PDZD9: variants seen among roughly 807,000 people sequenced by gnomAD.
PDZD9 encodes the protein PDZ domain-containing protein 9.
A neutral mutation model predicts 16.3 loss-of-function variants in PDZD9; 13 were observed. The observed-to-expected ratio is 0.80, with a 90% CI of 0.52 to 1.27. The LOEUF (loss-of-function observed/expected upper bound fraction) is 1.27, where lower values mean the gene tolerates loss of function less well. Ranked by LOEUF, PDZD9 falls within the 50% of genes most tolerant of loss-of-function variation. The pLI is 0.00. For missense variants in PDZD9, 288 were observed against 310.9 expected (o/e 0.93, Z 0.55); for synonymous variants, 120 against 111.0 (o/e 1.08, Z -0.51).
chr16:21,991,848 C>T (rs2141959064), intron 2 of PDZD9, among the ~76,000 whole-genome samples: 1 of 152,254 alleles, frequency 6.6e-6, no homozygotes, highest in East Asian at 1.9e-4. Context: ...GCAGGCTTGT[C>T]ACGAAGAGAT....
At chr16:21,964,405 C>T in the PDZD9 span, among the ~76,000 whole-genome samples, 5 of 152,072 alleles carry the variant, frequency 3.3e-5, no homozygotes, top group African/African-American at 9.7e-5. Flanking sequence ...ATCCTTCTGA[C>T]GTGAAAGTAA....
downstream of PDZD9, chr16:21,980,758 T>C: frequency 6.3e-7 from 1 of 1,593,566 alleles, no homozygotes; most frequent in South Asian, 1.1e-5. Flanking sequence ...AATGATCCAA[T>C]TTCAGAAGGA....
Position 21,988,770 on chromosome 16 carries a change from C to G in PDZD9, c.233G>C (p.Gly78Ala). ...AGTATATCCTAACACATTGGCATGG[C>G]CAACACTAATCAGAACATCACCTGA... ...LQPGDVLISV[G>A]HANVLGYTLR... Residue 78 changes from glycine (G) to alanine (A), a missense_variant, in exon 3 of 4, where the codon GGC becomes GCC. Coordinates refer to ENST00000424898, the MANE Select transcript of PDZD9 (RefSeq NM_001363519.1). 1 of 1,610,836 alleles carries G rather than the reference C, an allele frequency of 6.2e-7. No individual in the cohort carries two copies. The highest frequency in any genetic ancestry group is 1.3e-5 in the African/African-American group (1 of 74,860).
chr16:21,975,880 C>T, the PDZD9 span, among the ~76,000 whole-genome samples: 1 of 152,090 alleles, frequency 6.6e-6, no homozygotes, highest in Non-Finnish European at 1.5e-5. Flanking sequence ...CACTTGAGCC[C>T]ACACATCTCT....
At chr16:21,980,578 G>A (rs1373564771), downstream of PDZD9, 6 of 1,614,088 alleles carry the variant, frequency 3.7e-6, no homozygotes, top group African/African-American at 1.3e-5. Flanking sequence ...CCTAATGTCA[G>A]TGGAGTCTTC....
chr16:21,977,874 C>G, the PDZD9 span, among the ~76,000 whole-genome samples: 1 of 152,114 alleles, frequency 6.6e-6, no homozygotes, highest in Non-Finnish European at 1.5e-5. Context: ...AGTTGCATCT[C>G]TTGTATAAGT....
chr16:21,978,361 T>C, the PDZD9 span, among the ~76,000 whole-genome samples: 1 of 152,224 alleles, frequency 6.6e-6, no homozygotes, highest in Non-Finnish European at 1.5e-5. Flanking sequence ...GATAAACGTT[T>C]GAGGTTCAAA....
downstream of PDZD9, chr16:21,983,299 C>A: frequency 4.0e-6 from 3 of 754,752 alleles, no homozygotes; most frequent in Non-Finnish European, 6.3e-6. Context: ...GGCATAAATG[C>A]AGGTAATTAT....
the PDZD9 span, chr16:21,971,844 G>A: frequency 6.3e-7 from 1 of 1,590,296 alleles, no homozygotes; most frequent in Non-Finnish European, 8.6e-7. Flanking sequence ...TTAATACTGT[G>A]TTGTAGGAAA....
chr16:22,000,871 ATG>A, intron 1 of PDZD9, 144 bp downstream of exon 1: 5 of 693,930 alleles, frequency 7.2e-6, no homozygotes, highest in South Asian at 5.3e-5. Context: ...GATGATGATG[ATG>A]ATAATGATGA....
At chr16:21,971,211 G>A in the PDZD9 span, among the ~76,000 whole-genome samples, 196 of 152,230 alleles carry the variant, frequency 1.3e-3, 1 homozygote, top group Non-Finnish European at 2.0e-3. Flanking sequence ...TACTCACTTA[G>A]AAATTTGTAA....
the PDZD9 span, among the ~76,000 whole-genome samples, chr16:21,963,988 C>T: frequency 1.3e-5 from 2 of 151,986 alleles, no homozygotes; most frequent in East Asian, 1.9e-4. Context: ...ACAAGTACAA[C>T]TGGTAATACA....
chr16:21,976,425 A>C, the PDZD9 span: 7 of 522,546 alleles, frequency 1.3e-5, no homozygotes, highest in Non-Finnish European at 2.3e-5. Flanking sequence ...GGCCAGGCAC[A>C]GTGGCTCACT....
chr16:21,971,498 G>A, the PDZD9 span: 1 of 1,564,186 alleles, frequency 6.4e-7, no homozygotes, highest in Non-Finnish European at 8.7e-7. Flanking sequence ...TGTGGTTCTA[G>A]CTTTGTTTTT....
At chr16:22,000,157 G>A (rs1899256285) in intron 1 of PDZD9, among the ~76,000 whole-genome samples, 1 of 152,146 alleles carries the variant, frequency 6.6e-6, no homozygotes. Flanking sequence ...TGAGCCAGGA[G>A]CATACCACTG....
chr16:21,987,298 T>C (rs1453052185), intron 3 of PDZD9, among the ~76,000 whole-genome samples: 3 of 152,070 alleles, frequency 2.0e-5, no homozygotes, highest in Non-Finnish European at 1.5e-5. Flanking sequence ...CATGCGCCTG[T>C]AATCCCAGCT....
At chr16:21,973,966 C>A in the PDZD9 span, 1 of 1,607,962 alleles carries the variant, frequency 6.2e-7, no homozygotes, top group Admixed American at 1.7e-5. Flanking sequence ...CAGGCCACAG[C>A]TGCTGGAGAT....
At chr16:21,968,834 G>T in the PDZD9 span, 2 of 549,680 alleles carry the variant, frequency 3.6e-6, no homozygotes, top group East Asian at 3.2e-5. Flanking sequence ...GATTTTAATT[G>T]CTAGTCATTT....
the PDZD9 span, among the ~76,000 whole-genome samples, chr16:21,966,108 G>C: frequency 6.7e-6 from 1 of 149,690 alleles, no homozygotes; most frequent in East Asian, 2.1e-4. Context: ...GAGGCCAGGA[G>C]TTCAAGACCA....
Sources: allele counts gnomAD v4.1 joint callset (sites outside exome capture counted in the v4.1 genomes callset), GRCh38; gene constraint gnomAD v4.1.1; transcripts MANE v1.5; gene names NCBI Gene and HGNC (gene_info 2026-07-23, HGNC 2026-07-21).